RANBP2: variants seen among roughly 807,000 people sequenced by gnomAD.
RANBP2 encodes RAN binding protein 2.
A neutral mutation model predicts 303.6 loss-of-function variants in RANBP2; 57 were observed. The ratio of observed to expected loss-of-function variants is 0.19; its 90% CI spans 0.15 to 0.23. The LOEUF is 0.23. Ranked by LOEUF, RANBP2 falls within the 10% of genes least tolerant of loss-of-function variation. The probability of loss-of-function intolerance (pLI) is 1.00; values close to 1 mark genes in which losing one functional copy is unlikely to be tolerated. For missense variants in RANBP2, 3,138 were observed against 3,780.8 expected, an observed-to-expected ratio of 0.83 and a Z score of 4.46; for synonymous variants, 1,167 against 1,301.5, an observed-to-expected ratio of 0.90 and a Z score of 2.23.
Position 108,765,870 on chromosome 2 carries a change from A to C in RANBP2, c.5331A>C (p.Gly1777=), listed in dbSNP as rs761824279. The change falls in exon 20 of 29, where the codon GGA becomes GGC. Residue 1777 remains glycine (G), a synonymous_variant. Transcript: ENST00000283195. ...AGGCTCCAAAGAGTGGATTTGAAGG[A>C]ATGTTCATCAGGAAAGGACAGTGGG... is the stretch of plus-strand genomic sequence containing the variant. ...ISKAPKSGFE[G]MFIRKGQWDC... 1 of 1,614,056 alleles carries C rather than the reference A, an allele frequency of 6.2e-7. No individual in the cohort carries two copies. The highest frequency in any genetic ancestry group is 8.5e-7 in the Non-Finnish European group (1 of 1,179,968).
chr2:109,078,152 CATGT>C, the RANBP2 span, among the ~76,000 whole-genome samples: 3 of 64,482 alleles, frequency 4.7e-5, no homozygotes, highest in African/African-American at 6.3e-5. Flanking sequence ...ATATATATAG[CATGT>C]ATATATATAT....
At chr2:109,086,946 C>T in the RANBP2 span, among the ~76,000 whole-genome samples, 4 of 152,318 alleles carry the variant, frequency 2.6e-5, no homozygotes, top group African/African-American at 4.8e-5. Flanking sequence ...ACTAAGCTCC[C>T]GGGCCCACAG....
chr2:109,218,175 G>A, the RANBP2 span, among the ~76,000 whole-genome samples: 1 of 151,944 alleles, frequency 6.6e-6, no homozygotes, highest in Non-Finnish European at 1.5e-5. Flanking sequence ...AATCCTGCCT[G>A]GCCTCACCAG....
the RANBP2 span, among the ~76,000 whole-genome samples, chr2:109,383,118 G>A: frequency 2.0e-5 from 3 of 152,246 alleles, no homozygotes; most frequent in African/African-American, 7.2e-5. Context: ...TTGTCCCCAG[G>A]CAGACCTTGT....
the RANBP2 span, among the ~76,000 whole-genome samples, chr2:109,720,372 G>C: frequency 3.9e-5 from 6 of 151,904 alleles, no homozygotes; most frequent in Non-Finnish European, 8.8e-5. Context: ...ACCTATCAGT[G>C]GTTCTTAATT....
At chr2:109,671,540 T>A in the RANBP2 span, among the ~76,000 whole-genome samples, 3 of 152,112 alleles carry the variant, frequency 2.0e-5, no homozygotes, top group Non-Finnish European at 2.9e-5. Flanking sequence ...GGAGGAGTCC[T>A]CCCCCTTCTC....
At chr2:109,048,577 A>G in the RANBP2 span, among the ~76,000 whole-genome samples, 1 of 152,218 alleles carries the variant, frequency 6.6e-6, no homozygotes, top group South Asian at 2.1e-4. Context: ...TGAAGCCTCC[A>G]AAATCTATGC....
the RANBP2 span, among the ~76,000 whole-genome samples, chr2:109,183,046 C>T: frequency 6.6e-6 from 1 of 152,138 alleles, no homozygotes; most frequent in Admixed American, 6.5e-5. Context: ...ATTTTCTAGT[C>T]GTTTTTATCC....
the RANBP2 span, among the ~76,000 whole-genome samples, chr2:109,242,412 G>C: frequency 6.6e-6 from 1 of 152,184 alleles, no homozygotes; most frequent in Non-Finnish European, 1.5e-5. Flanking sequence ...CACACCCATA[G>C]AGCAGCCCGT....
At chr2:108,971,425 T>A in the RANBP2 span, among the ~76,000 whole-genome samples, 1 of 152,042 alleles carries the variant, frequency 6.6e-6, no homozygotes, top group Admixed American at 6.5e-5. Flanking sequence ...AAATCACATT[T>A]TCAGATTATG....
chr2:108,880,928 A>G, the RANBP2 span, among the ~76,000 whole-genome samples: 1 of 152,328 alleles, frequency 6.6e-6, no homozygotes, highest in South Asian at 2.1e-4. Flanking sequence ...TTCTCCATAT[A>G]TACTTTATAA....
the RANBP2 span, among the ~76,000 whole-genome samples, chr2:109,550,321 T>G: frequency 1.1e-4 from 16 of 148,626 alleles, no homozygotes; most frequent in Non-Finnish European, 2.9e-5. Context: ...CTTTTTTTTT[T>G]TTGTTTTTTG....
chr2:109,546,178 T>C, the RANBP2 span: 1 of 1,608,804 alleles, frequency 6.2e-7, no homozygotes, highest in African/African-American at 1.3e-5. Context: ...TTCTCTTTTC[T>C]TCAAGCTTCA....
At chr2:109,662,917 G>A in the RANBP2 span, among the ~76,000 whole-genome samples, 1 of 152,178 alleles carries the variant, frequency 6.6e-6, no homozygotes, top group Non-Finnish European at 1.5e-5. Flanking sequence ...CTCAAGCAGA[G>A]CATCTGTACT....
the RANBP2 span, among the ~76,000 whole-genome samples, chr2:109,685,784 A>C: frequency 3.9e-5 from 6 of 152,272 alleles, no homozygotes; most frequent in African/African-American, 1.4e-4. Context: ...CACAAAACAA[A>C]GGAGGAAATG....
At chr2:108,918,062 T>G in the RANBP2 span, among the ~76,000 whole-genome samples, 68 of 152,250 alleles carry the variant, frequency 4.5e-4, no homozygotes, top group African/African-American at 1.6e-3. Context: ...ACGTGATGTC[T>G]AAAAGAGGTT....
chr2:109,370,302 C>G, the RANBP2 span, among the ~76,000 whole-genome samples: 1 of 151,488 alleles, frequency 6.6e-6, no homozygotes, highest in African/African-American at 2.4e-5. Flanking sequence ...TGCAGAGGTA[C>G]GATCTCGGCT....
the RANBP2 span, among the ~76,000 whole-genome samples, chr2:109,275,509 T>C: frequency 6.6e-6 from 1 of 152,326 alleles, no homozygotes; most frequent in Middle Eastern, 3.4e-3. Flanking sequence ...TTGTAGATTG[T>C]TCCCGATGAC....
the RANBP2 span, among the ~76,000 whole-genome samples, chr2:109,799,636 A>G: frequency 0.049 from 10 of 204 alleles, no homozygotes; most frequent in East Asian, 0.17. Flanking sequence ...TTATATAAAT[A>G]AACATTTCAT....
Sources: gnomAD v4.1 joint callset for allele counts (sites outside exome capture counted in the v4.1 genomes callset) on GRCh38, gnomAD v4.1.1 for gene constraint, MANE v1.5 for transcripts, NCBI Gene and HGNC (gene_info 2026-07-23, HGNC 2026-07-21) for gene names.